Variants in KAZN observed in about 807,000 individuals in gnomAD.
The protein encoded by KAZN is kazrin, periplakin interacting protein, also known as kazrin.
A neutral mutation model predicts 87.4 loss-of-function variants in KAZN; 40 were observed. The observed-to-expected ratio is 0.46, with a 90% CI of 0.36 to 0.60. The LOEUF is 0.60. Among genes scored for constraint, KAZN ranks in the 20% least tolerant of loss-of-function variants. The pLI, the probability that KAZN is intolerant of heterozygous loss-of-function variation, is 0.00. For missense variants in KAZN, 898 were observed against 1,073.9 expected (o/e 0.84, Z 2.29); for synonymous variants, 466 against 458.3 (o/e 1.02, Z -0.22).
intron 1 of KAZN, among the ~76,000 whole-genome samples, chr1:14,956,287 C>A (rs1228033758): frequency 1.5e-5 from 2 of 137,392 alleles, no homozygotes; most frequent in Non-Finnish European, 3.0e-5. Flanking sequence ...TGGAAGAGAC[C>A]CAGAAGTCAC....
intron 1 of KAZN, among the ~76,000 whole-genome samples, chr1:14,603,848 G>A (rs1349823550): frequency 6.6e-6 from 1 of 152,178 alleles, no homozygotes; most frequent in East Asian, 1.9e-4. Flanking sequence ...TTGGCAGGTG[G>A]CAAGAGCTCA....
intron 1 of KAZN, among the ~76,000 whole-genome samples, chr1:14,795,897 C>T (rs1645813022): frequency 6.6e-6 from 1 of 152,222 alleles, no homozygotes. Flanking sequence ...AAAGCCTTGT[C>T]TAACACAGGA....
At chr1:14,888,504 C>T (rs1380177180) in intron 1 of KAZN, among the ~76,000 whole-genome samples, 3 of 152,208 alleles carry the variant, frequency 2.0e-5, no homozygotes, top group Non-Finnish European at 4.4e-5. Flanking sequence ...AATACACACA[C>T]TGGAAGGGGG....
chr1:14,089,979 A>G (rs187165795), intron 1 of KAZN, among the ~76,000 whole-genome samples: 1 of 151,910 alleles, frequency 6.6e-6, no homozygotes, highest in Admixed American at 6.5e-5. Context: ...GTTTGTTGAT[A>G]ATGTTTTCTT....
rs181284416 is a variant in KAZN, at chr1:14,830,356, C to T, written c.227-130328C>T. ...ACTCTCCTTGGCCCAACTTGGGTGA[C>T]GTGTTCATCCCTGAATGTATCACAG... is the stretch of plus-strand genomic sequence containing the variant. On this transcript the variant is annotated intron_variant, in intron 1 of 14. Coordinates refer to ENST00000376030, the MANE Select transcript of KAZN (RefSeq NM_201628.3). Among the ~76,000 whole-genome samples, 24 of 152,276 alleles carry T rather than the reference C, an allele frequency of 1.6e-4. 1 individual carries two copies. The South Asian group carries it at 4.1e-3, about 26-fold the overall frequency.
chr1:15,085,123 A>C (rs941903519), intron 8 of KAZN, among the ~76,000 whole-genome samples: 1 of 152,194 alleles, frequency 6.6e-6, no homozygotes, highest in Non-Finnish European at 1.5e-5. Flanking sequence ...GTGAAGAGAT[A>C]ATTTTAAAAA....
chr1:13,980,037 C>A lies in KAZN; in HGVS notation c.91+86281C>A, dbSNP rs940948995. Among the ~76,000 whole-genome samples the A allele has an allele frequency of 4.2e-4, 63 of 151,596 alleles. 3 individuals are homozygous for A. Among genetic ancestry groups the A allele is most frequent in the Non-Finnish European group, 1.2e-4 (8 of 67,956 alleles). On this transcript the variant is annotated intron_variant, in intron 1 of 16. Transcript: ENST00000636203. ...CCATAAATGCCTTTAAAGTGTTAGA[C>A]GGTTCTGACATTGTCCAAGAAGTGT...
Position 14,796,160 on chromosome 1 carries a change from G to A in KAZN, c.227-164524G>A, listed in dbSNP as rs114797364. ...CTTTCTGGCCTCCGTTCTGGTCCTGGTTCTTCTCTCCCTCAGAGATGTGTA... is the reference window on the plus strand; with the variant it reads ...CTTTCTGGCCTCCGTTCTGGTCCTGATTCTTCTCTCCCTCAGAGATGTGTA... On this transcript the variant is annotated intron_variant, in intron 1 of 14. Transcript: ENST00000376030. Among the ~76,000 whole-genome samples, 1,109 of 152,186 alleles carry A rather than the reference G, an allele frequency of 7.3e-3. 11 individuals are homozygous for A. The highest frequency in any genetic ancestry group is 0.025 in the African/African-American group (1,036 of 41,514).
chr1:14,551,207 C>T (rs1444969653), intron 2 of KAZN, among the ~76,000 whole-genome samples: 1 of 152,202 alleles, frequency 6.6e-6, no homozygotes, highest in Non-Finnish European at 1.5e-5. Flanking sequence ...ACTAAACCCA[C>T]CTCTGCACCG....
At chr1:14,349,818 G>A (rs557788515) in intron 2 of KAZN, among the ~76,000 whole-genome samples, 4 of 152,258 alleles carry the variant, frequency 2.6e-5, no homozygotes, top group Non-Finnish European at 4.4e-5. Context: ...AGAGTAGGCA[G>A]AGAGGAGCCA....
chr1:14,737,495 A>C (rs544092758), intron 1 of KAZN, among the ~76,000 whole-genome samples: 2 of 152,192 alleles, frequency 1.3e-5, no homozygotes, highest in African/African-American at 2.4e-5. Flanking sequence ...ACAGTGATGC[A>C]GTCACTTTGT....
intron 1 of KAZN, among the ~76,000 whole-genome samples, chr1:14,845,363 G>A: frequency 7.5e-6 from 1 of 133,142 alleles, no homozygotes; most frequent in African/African-American, 2.6e-5. Context: ...ATGGATGAGT[G>A]GATGGATGGA....
intron 13 of KAZN, among the ~76,000 whole-genome samples, chr1:15,105,290 T>C (rs537040215): frequency 1.2e-4 from 18 of 152,344 alleles, no homozygotes; most frequent in African/African-American, 4.1e-4. Flanking sequence ...CCATCTGGTC[T>C]TAGGCTTTTC....
chr1:14,423,525 C>G (rs1450313776), intron 2 of KAZN, among the ~76,000 whole-genome samples: 1 of 152,174 alleles, frequency 6.6e-6, no homozygotes, highest in East Asian at 1.9e-4. Context: ...CTTTTGAAGA[C>G]CTCAGCTCCC....
intron 1 of KAZN, among the ~76,000 whole-genome samples, chr1:14,739,851 A>G (rs1249160445): frequency 6.6e-6 from 1 of 152,032 alleles, no homozygotes; most frequent in African/African-American, 2.4e-5. Context: ...ATTCATCTGC[A>G]CCCTTCAGGA....
chr1:14,194,904 C>A (rs1052515769), intron 2 of KAZN, among the ~76,000 whole-genome samples: 4 of 152,120 alleles, frequency 2.6e-5, no homozygotes, highest in African/African-American at 9.7e-5. Flanking sequence ...ACGTGACTGC[C>A]TACTTGGTCT....
In KAZN at chr1:14,126,200, G is replaced by A. The variant is rs561762742; in HGVS notation, c.92-54235G>A. On this transcript the variant is annotated intron_variant, in intron 1 of 16. Coordinates refer to the KAZN transcript ENST00000636203. ...GACACAGTTGCAACTGAAACAGGTA[G>A]GACTTTCAGTCACGTGAGGCACAAA... is the stretch of plus-strand genomic sequence containing the variant. Among the ~76,000 whole-genome samples the A allele has an allele frequency of 2.6e-5, 4 of 152,238 alleles. No homozygotes were observed. The East Asian group carries it at 7.7e-4, about 29-fold the overall frequency.
intron 1 of KAZN, among the ~76,000 whole-genome samples, chr1:14,845,858 G>A (rs1162145983): frequency 2.6e-5 from 4 of 152,102 alleles, no homozygotes; most frequent in South Asian, 2.1e-4. Flanking sequence ...GAGGCAAGTC[G>A]GCCCCAGAGA....
At chr1:14,411,060 T>C (rs900717312) in intron 2 of KAZN, among the ~76,000 whole-genome samples, 1 of 152,052 alleles carries the variant, frequency 6.6e-6, no homozygotes, top group South Asian at 2.1e-4. Context: ...ACAGGAAAGA[T>C]AAATTAAAAT....
Sources: allele counts gnomAD v4.1 joint callset (sites outside exome capture counted in the v4.1 genomes callset), GRCh38; gene constraint gnomAD v4.1.1; transcripts MANE v1.5; gene names NCBI Gene and HGNC (gene_info 2026-07-23, HGNC 2026-07-21).